The following BRCA1 variants were observed in gnomAD, a reference collection of about 807,000 sequenced individuals.
The protein encoded by BRCA1 is BRCA1 DNA repair associated.
BRCA1 carries 140 observed loss-of-function variants against 173.7 expected under a neutral mutation model. That is an observed-to-expected ratio of 0.81 (90% CI 0.70 to 0.93). BRCA1 has a LOEUF of 0.93. Ranked by LOEUF, BRCA1 falls within the 40% of genes least tolerant of loss-of-function variation. The pLI, the probability that BRCA1 is intolerant of heterozygous loss-of-function variation, is 0.00. For synonymous variants in BRCA1, 662 were observed against 756.0 expected, an observed-to-expected ratio of 0.88 and a Z score of 2.04; for missense variants, 1,983 against 2,172.5, an observed-to-expected ratio of 0.91 and a Z score of 1.73.
Position 43,095,697 on chromosome 17 carries a change from G to A in BRCA1, c.670+149C>T, listed in dbSNP as rs540324604. On this transcript the variant is annotated intron_variant, in intron 9 of 22. Coordinates refer to ENST00000357654, the MANE Select transcript of BRCA1 (RefSeq NM_007294.4). ...ATTTAAATCTATCAGACCATACCACGACATTTGACAGAGAATGATACTCTA... is the reference window on the plus strand; with the variant it reads ...ATTTAAATCTATCAGACCATACCACAACATTTGACAGAGAATGATACTCTA... 13 of 721,966 alleles carry A rather than the reference G, an allele frequency of 1.8e-5. No individual in the cohort carries two copies. The East Asian group carries it at 2.4e-4, about 14-fold the overall frequency. The allele number at this position is 721,966 out of a possible 1,614,324, so 44.7% of individuals were successfully genotyped here.
rs1430003383 is a variant in BRCA1 at position 43,168,248 on chromosome 17, A to G, written c.-20+1878T>C. On this transcript the variant is annotated intron_variant, in intron 1 of 7. Coordinates refer to the BRCA1 transcript ENST00000634433. The stretch of plus-strand genomic sequence containing the variant: ...TTCAACGCAAACAGCAGATAAATCT[A>G]TCTCTTTCTGTTCCAATGAACTTTA... The G allele has an allele frequency of 7.1e-6, 3 of 421,238 alleles. No homozygotes were observed. In the East Asian group the frequency reaches 2.4e-4, roughly 33 times the overall value. The allele number at this position is 421,238 out of a possible 1,614,324, so 26.1% of individuals were successfully genotyped here.
Position 43,094,231 on chromosome 17 carries a change from T to A in BRCA1, c.1300A>T (p.Ser434Cys), listed in dbSNP as rs786203753. The A allele has an allele frequency of 1.2e-6, 2 of 1,614,136 alleles. No individual in the cohort carries two copies. Among genetic ancestry groups the A allele is most frequent in the African/African-American group, 1.3e-5 (1 of 75,054 alleles). The change falls in exon 10 of 23, where the codon AGT (serine) becomes TGT (cysteine). Residue 434 changes from serine (S) to cysteine (C), a missense_variant. By Grantham distance (112) the Ser-to-Cys change is moderately radical. Transcript: ENST00000357654. ...CATATTAAAGCCTCATGAGGATCAC[T>A]GGCCAGTAAGTCTATTTTCTCTGAA... ...GSSEKIDLLASDPHEALICKS... is the reference protein window; with the variant it reads ...GSSEKIDLLACDPHEALICKS...
At chr17:43,069,185 G>A (rs971362937) in intron 15 of BRCA1, among the ~76,000 whole-genome samples, 1 of 152,158 alleles carries the variant, frequency 6.6e-6, no homozygotes, top group Non-Finnish European at 1.5e-5. Context: ...ACCACCCTCC[G>A]CCAGGATCAT....
intron 2 of BRCA1, among the ~76,000 whole-genome samples, chr17:43,116,398 C>T (rs1258228326): frequency 6.6e-6 from 1 of 152,220 alleles, no homozygotes; most frequent in African/African-American, 2.4e-5. Flanking sequence ...TAAGGTCACA[C>T]TCTGTCACCT....
intron 18 of BRCA1, among the ~76,000 whole-genome samples, chr17:43,060,056 C>T (rs559734761): frequency 7.0e-4 from 106 of 152,230 alleles, no homozygotes; most frequent in African/African-American, 2.5e-3. Context: ...CAGGCACATG[C>T]CACCATTCCC....
rs1057521325 is a variant in BRCA1, at chr17:43,092,153, T to C, written c.3378A>G (p.Pro1126=). Reference sequence around the variant, plus strand: ...GTTCTAAGTTATCTGAAATCAGATATGGAGAGAAATCTGTATTAACAGTCT... The same window carrying C: ...GTTCTAAGTTATCTGAAATCAGATACGGAGAGAAATCTGTATTAACAGTCT... The part of the protein sequence containing the change: ...VVQTVNTDFS[P]YLISDNLEQP... The change falls in exon 10 of 23, where the codon CCA becomes CCG. Residue 1126 remains proline (P), a synonymous_variant. Transcript: ENST00000357654. 7 of 1,613,292 alleles carry C rather than the reference T, an allele frequency of 4.3e-6. No individual in the cohort carries two copies. In the African/African-American group the frequency reaches 8.0e-5, roughly 18 times the overall value.
At chr17:43,120,896 C>A (rs1412809079) in intron 2 of BRCA1, among the ~76,000 whole-genome samples, 1 of 151,724 alleles carries the variant, frequency 6.6e-6, no homozygotes, top group Non-Finnish European at 1.5e-5. Flanking sequence ...GAAACCCTAT[C>A]TCTACTAAAA....
upstream of BRCA1, among the ~76,000 whole-genome samples, chr17:43,126,374 A>G (rs955055000): frequency 2.0e-5 from 3 of 152,116 alleles, no homozygotes; most frequent in African/African-American, 7.2e-5. Context: ...GCCATGTTAG[A>G]TTCACCCCAC....
At chr17:43,136,267 C>A (rs1597933280) in intron 1 of BRCA1, among the ~76,000 whole-genome samples, 1 of 152,180 alleles carries the variant, frequency 6.6e-6, no homozygotes, top group Non-Finnish European at 1.5e-5. Context: ...TTCCTTACAC[C>A]TTATACAAAA....
rs2055237738 is a variant in BRCA1, at chr17:43,115,706, C to T, written c.134+20G>A. On this transcript the variant is annotated intron_variant, in intron 3 of 22. Coordinates refer to ENST00000357654, the MANE Select transcript of BRCA1 (RefSeq NM_007294.4). ...AAAACAAAAGCTAATAATGGAGCCA[C>T]ATAACACATTCAAACTTACTTGCAA... 3.7e-6 allele frequency: 6 copies of T among 1,610,526 alleles called. No homozygotes were observed. Among genetic ancestry groups the T allele is most frequent in the Non-Finnish European group, 4.2e-6 (5 of 1,177,506 alleles).
chr17:43,063,761 C>T, intron 17 of BRCA1, 113 bp downstream of exon 17: 1 of 819,962 alleles, frequency 1.2e-6, no homozygotes, highest in Non-Finnish European at 2.1e-6. Context: ...AATTAAAGAC[C>T]TTTTGGTAAC....
In BRCA1 at chr17:43,045,449, T is replaced by G. The variant is rs1282217809; in HGVS notation, c.*229A>C. 8 of 721,300 alleles carry G rather than the reference T, an allele frequency of 1.1e-5. No individual in the cohort carries two copies. In the Admixed American group the frequency reaches 1.4e-4, roughly 13 times the overall value. 44.7% of individuals were successfully genotyped at this position (721,300 alleles called of 1,614,324 possible). A position where few individuals can be genotyped will look rare whatever the true frequency, so the allele number is the denominator to read the frequency against. On this transcript the variant is annotated 3_prime_UTR_variant, in exon 23 of 23. Coordinates refer to ENST00000357654, the MANE Select transcript of BRCA1 (RefSeq NM_007294.4). ...TTTTAAAATCTTCTCAGGTGAAAAA[T>G]TACCATAATTTTGTGCTCATGGCAG...
intron 1 of BRCA1, among the ~76,000 whole-genome samples, chr17:43,155,743 C>T (rs1380000952): frequency 6.6e-6 from 1 of 152,018 alleles, no homozygotes; most frequent in Non-Finnish European, 1.5e-5. Context: ...CCATGTTGCC[C>T]AGGCTGTTCT....
At chr17:43,063,121 A>G (rs1567768414) in intron 18 of BRCA1, among the ~76,000 whole-genome samples, 1 of 151,666 alleles carries the variant, frequency 6.6e-6, no homozygotes. Flanking sequence ...AACTCCCGAC[A>G]TCAGGTGATC....
In BRCA1 at chr17:43,082,426, T is replaced by G. The variant is rs1555584033; in HGVS notation, c.4335A>C (p.Pro1445=). 1 of 1,614,164 alleles carries G rather than the reference T, an allele frequency of 6.2e-7. No individual in the cohort carries two copies. Among genetic ancestry groups the G allele is most frequent in the South Asian group, 1.1e-5 (1 of 91,086 alleles). ...DSSALEDLRN[P]EQSTSEKAVL... ...CACCTTTTTCTGATGTGCTTTGTTC[T>G]GGATTTCGCAGGTCCTCAAGGGCAG... Residue 1445 remains proline, a synonymous_variant, in exon 12 of 23, where the codon CCA becomes CCC. Coordinates refer to ENST00000357654, the MANE Select transcript of BRCA1 (RefSeq NM_007294.4).
At chr17:43,117,784 C>A (rs1189055412) in intron 2 of BRCA1, among the ~76,000 whole-genome samples, 1 of 151,930 alleles carries the variant, frequency 6.6e-6, no homozygotes, top group Non-Finnish European at 1.5e-5. Flanking sequence ...AAATACATCA[C>A]CCAAGTTCCC....
At chr17:43,098,031 T>C (rs75184889) in intron 7 of BRCA1, among the ~76,000 whole-genome samples, 1 of 67,086 alleles carries the variant, frequency 1.5e-5, no homozygotes, top group Non-Finnish European at 3.5e-5. Flanking sequence ...TCAGCAGCTC[T>C]TTTTTTTTTT....
rs766938984 is a variant in BRCA1 at position 43,049,093 on chromosome 17, CCTCT to C, written c.5406+24_5406+27del. 36 of 1,602,204 alleles carry C rather than the reference CCTCT, an allele frequency of 2.2e-5. No homozygotes were observed. In the African/African-American group the frequency reaches 4.4e-4, roughly 20 times the overall value. The stretch of plus-strand genomic sequence containing the variant: ...TCACAGGAGAGAATATTGTGTCCTC[CCTCT>C]CTGACAGGGCACCCAATACTTACTG... On this transcript the variant is annotated intron_variant, in intron 21 of 22. Transcript: ENST00000357654.
intron 1 of BRCA1, chr17:43,159,442 G>C (rs2056220542): frequency 6.2e-6 from 1 of 160,796 alleles, no homozygotes; most frequent in African/African-American, 2.4e-5. Flanking sequence ...GGACGGGGTG[G>C]CTGCCGGGCT....
Sources: allele counts gnomAD v4.1 joint callset (sites outside exome capture counted in the v4.1 genomes callset), GRCh38; gene constraint gnomAD v4.1.1; transcripts MANE v1.5; gene names NCBI Gene and HGNC (gene_info 2026-07-23, HGNC 2026-07-21).